Variants in PRXL2A observed in about 807,000 individuals in gnomAD.
PRXL2A encodes peroxiredoxin-like 2A.
Under a neutral mutation model 25.6 loss-of-function variants are expected in PRXL2A, and 26 were observed. The observed-to-expected ratio is 1.02, with a 90% CI of 0.74 to 1.41. PRXL2A has a LOEUF of 1.41. Ranked by LOEUF, PRXL2A falls within the 40% of genes most tolerant of loss-of-function variation. The probability of loss-of-function intolerance (pLI) is 0.00; values close to 1 mark genes in which losing one functional copy is unlikely to be tolerated. For missense variants in PRXL2A, 246 were observed against 273.9 expected, an observed-to-expected ratio of 0.90 and a Z score of 0.72; for synonymous variants, 98 against 102.9, an observed-to-expected ratio of 0.95 and a Z score of 0.29.
chr10:80,415,126 A>G (rs566344851), intron 1 of PRXL2A, among the ~76,000 whole-genome samples: 1 of 152,308 alleles, frequency 6.6e-6, no homozygotes, highest in East Asian at 1.9e-4. Flanking sequence ...TCTCTGGCAC[A>G]AGAGTGGGCT....
chr10:80,429,624 TCCTGC>T lies in PRXL2A; in HGVS notation c.576+2141_576+2145del, dbSNP rs1301122718. ...CCTGCCCTGCCCTGCCCCTAGCCTC[TCCTGC>T]CCTGCCCTGCCCCTAGCCTCTCCTG... On this transcript the variant is annotated intron_variant, in intron 5 of 5. Transcript: ENST00000606162. 8.0e-4 allele frequency among the ~76,000 whole-genome samples: 58 copies of T among 72,344 alleles called. 1 individual carries two copies. Among genetic ancestry groups the T allele is most frequent in the Middle Eastern group, 9.3e-3 (1 of 108 alleles). 47.5% of individuals were successfully genotyped at this position (72,344 alleles called of 152,430 possible).
At chr10:80,411,818 C>T (rs1298118328) in intron 1 of PRXL2A, among the ~76,000 whole-genome samples, 3 of 152,122 alleles carry the variant, frequency 2.0e-5, no homozygotes, top group African/African-American at 7.2e-5. Context: ...TTGCTTCTCC[C>T]CTATCTCTGC....
At position 80,409,142 on chromosome 10, in the gene PRXL2A, T is replaced by C. The variant is rs545372642; in HGVS notation, c.-3+499T>C. On this transcript the variant is annotated intron_variant, in intron 1 of 5. Transcript: ENST00000606162. Reference sequence around the variant, plus strand: ...GTGTCTTTTAAGAGGGCACGGTTTCTAGCGTTGTTCAGCGTTTCGGAGGCA... The same window carrying C: ...GTGTCTTTTAAGAGGGCACGGTTTCCAGCGTTGTTCAGCGTTTCGGAGGCA... 29 of 917,542 alleles carry C rather than the reference T, an allele frequency of 3.2e-5. No homozygotes were observed. The Admixed American group carries it at 7.4e-4, about 23-fold the overall frequency. The allele number at this position is 917,542 out of a possible 1,614,324, so 56.8% of individuals were successfully genotyped here. A position where few individuals can be genotyped will look rare whatever the true frequency, so the allele number is the denominator to read the frequency against.
At chr10:80,428,676 C>T (rs550566733) in intron 5 of PRXL2A, among the ~76,000 whole-genome samples, 1 of 152,018 alleles carries the variant, frequency 6.6e-6, no homozygotes, top group African/African-American at 2.4e-5. Flanking sequence ...CTCAAAAAAG[C>T]AAGTGGATGA....
intron 3 of PRXL2A, among the ~76,000 whole-genome samples, 155 bp from the exon 4 acceptor site, chr10:80,425,711 C>T (rs912183409): frequency 6.6e-6 from 1 of 152,130 alleles, no homozygotes; most frequent in Non-Finnish European, 1.5e-5. Flanking sequence ...TATGGCTGCT[C>T]CCAAGCTGTG....
chr10:80,428,769 G>T (rs577796718), intron 5 of PRXL2A, among the ~76,000 whole-genome samples: 1 of 152,184 alleles, frequency 6.6e-6, no homozygotes, highest in East Asian at 1.9e-4. Context: ...TGACATTAAC[G>T]TGTAGAAAGT....
At chr10:80,415,173 G>A (rs1201974390) in intron 1 of PRXL2A, among the ~76,000 whole-genome samples, 1 of 152,182 alleles carries the variant, frequency 6.6e-6, no homozygotes, top group Non-Finnish European at 1.5e-5. Context: ...TCCATGGAGA[G>A]GCCTGATGCT....
At position 80,422,338 on chromosome 10, in the gene PRXL2A, C is replaced by T. The variant is rs536285842; in HGVS notation, c.179-79C>T. 24 of 1,173,462 alleles carry T rather than the reference C, an allele frequency of 2.0e-5. No homozygotes were observed. The African/African-American group carries it at 3.2e-4, about 16-fold the overall frequency. The allele number at this position is 1,173,462 out of a possible 1,614,324, so 72.7% of individuals were successfully genotyped here. ...GGCCGGGTCTCTGACCTTGGCTGGA[C>T]TTAGTGTGGTTCATGAGCTGCTTAG... is the stretch of plus-strand genomic sequence containing the variant. On this transcript the variant is annotated intron_variant, in intron 2 of 5. Transcript: ENST00000606162.
intron 5 of PRXL2A, among the ~76,000 whole-genome samples, chr10:80,428,675 G>T (rs536626731): frequency 6.6e-6 from 1 of 152,086 alleles, no homozygotes; most frequent in African/African-American, 2.4e-5. Flanking sequence ...TCTCAAAAAA[G>T]CAAGTGGATG....
intron 3 of PRXL2A, among the ~76,000 whole-genome samples, chr10:80,425,002 C>T (rs1224019844): frequency 6.6e-6 from 1 of 152,114 alleles, no homozygotes; most frequent in Non-Finnish European, 1.5e-5. Flanking sequence ...TCAATTCTGC[C>T]TCATTAGTTG....
chr10:80,426,043 G>A (rs1261081596), intron 4 of PRXL2A, 37 bp downstream of exon 4: 1 of 1,613,076 alleles, frequency 6.2e-7, no homozygotes, highest in Non-Finnish European at 8.5e-7. Flanking sequence ...ACAGACTGCT[G>A]GGGATTGTGC....
chr10:80,427,460 C>G lies in PRXL2A; in HGVS notation c.540C>G (p.Ile180Met), dbSNP rs200965735. ...FSGNLEGEGF[I>M]LGGVFVVGSG... The stretch of plus-strand genomic sequence containing the variant: ...GAAACCTGGAAGGAGAAGGCTTCAT[C>G]CTTGGGGGAGTTTTCGTGGTGGGAT... Residue 180 changes from isoleucine (I) to methionine (M), a missense_variant, in exon 5 of 6, where the codon ATC (isoleucine) becomes ATG (methionine). By Grantham distance (10) the Ile-to-Met change is conservative. Coordinates refer to ENST00000606162, the MANE Select transcript of PRXL2A (RefSeq NM_032333.5). 2 of 1,613,934 alleles carry G rather than the reference C, an allele frequency of 1.2e-6. No individual in the cohort carries two copies. The highest frequency in any genetic ancestry group is 1.7e-6 in the Non-Finnish European group (2 of 1,180,022).
chr10:80,430,440 AAAG>A (rs1454632744), intron 5 of PRXL2A, among the ~76,000 whole-genome samples: 1 of 152,142 alleles, frequency 6.6e-6, no homozygotes, highest in African/African-American at 2.4e-5. Flanking sequence ...AAGCATTCTT[AAAG>A]AAGAAGCAGC....
chr10:80,420,557 G>C lies in PRXL2A; in HGVS notation c.90G>C (p.Leu30=), dbSNP rs1424217974. 2 of 1,613,952 alleles carry C rather than the reference G, an allele frequency of 1.2e-6. No individual in the cohort carries two copies. Among genetic ancestry groups the C allele is most frequent in the South Asian group, 1.1e-5 (1 of 91,038 alleles). The change falls in exon 2 of 6, where the codon CTG becomes CTC. Residue 30 remains leucine, a synonymous_variant. Transcript: ENST00000606162. The part of the protein sequence containing the change: ...GALGAAALAL[L]LANTDVFLSK... ...TGGGGGCTGCTGCCTTGGCATTGCT[G>C]CTTGCCAACACAGACGTGTTTCTGT...
chr10:80,417,511 G>C (rs922478193), intron 1 of PRXL2A, among the ~76,000 whole-genome samples: 1 of 152,122 alleles, frequency 6.6e-6, no homozygotes, highest in Admixed American at 6.5e-5. Context: ...GAGAAGCAAG[G>C]CTAGGTGATT....
intron 5 of PRXL2A, among the ~76,000 whole-genome samples, 173 bp from the exon 6 acceptor site, chr10:80,431,813 C>A (rs1023444513): frequency 6.6e-6 from 1 of 152,144 alleles, no homozygotes; most frequent in African/African-American, 2.4e-5. Context: ...TGGCCTTCTC[C>A]GGTCTATCTT....
chr10:80,425,891 A>AAAGCATGTTGG lies in PRXL2A; in HGVS notation c.298_308dup (p.Asp103GlufsTer15), dbSNP rs769794297. The AAAGCATGTTGG allele has an allele frequency of 3.7e-6, 6 of 1,614,258 alleles. No individual in the cohort carries two copies. Among genetic ancestry groups the AAAGCATGTTGG allele is most frequent in the African/African-American group, 1.3e-5 (1 of 75,062 alleles). On this transcript the variant is annotated frameshift_variant, in exon 4 of 6. Coordinates refer to ENST00000606162, the MANE Select transcript of PRXL2A (RefSeq NM_032333.5). LOFTEE classifies it high-confidence loss of function. Reference sequence around the variant, plus strand: ...GAAGCTGCGGATCTGTCCTCCCTGAAAAGCATGTTGGACCAGCTGGGCGTC... The same window carrying AAAGCATGTTGG: ...GAAGCTGCGGATCTGTCCTCCCTGAAAAGCATGTTGGAAGCATGTTGGACCAGCTGGGCGTC...
intron 1 of PRXL2A, chr10:80,409,213 T>C: frequency 3.3e-6 from 1 of 302,566 alleles, no homozygotes; most frequent in Non-Finnish European, 4.9e-6. Flanking sequence ...TGACTTTAAA[T>C]TGGGTAGAGC....
chr10:80,411,991 G>T (rs1349702664), intron 1 of PRXL2A, among the ~76,000 whole-genome samples: 3 of 152,168 alleles, frequency 2.0e-5, no homozygotes, highest in Non-Finnish European at 4.4e-5. Context: ...ATCAGTTCCT[G>T]CCCAGAGGCA....
Sources: allele counts gnomAD v4.1 joint callset (sites outside exome capture counted in the v4.1 genomes callset), GRCh38; gene constraint gnomAD v4.1.1; transcripts MANE v1.5; gene names NCBI Gene and HGNC (gene_info 2026-07-23, HGNC 2026-07-21).